C2orf72: variants seen among roughly 807,000 people sequenced by gnomAD.
C2orf72 encodes the protein chromosome 2 open reading frame 72.
A neutral mutation model predicts 14.4 loss-of-function variants in C2orf72; 16 were observed. The ratio of observed to expected loss-of-function variants is 1.11; its 90% CI spans 0.75 to 1.69. The LOEUF (loss-of-function observed/expected upper bound fraction) is 1.69. Among genes scored for constraint, C2orf72 ranks in the 40% most tolerant of loss-of-function variants. C2orf72 has a pLI of 0.00. For missense variants in C2orf72, 371 were observed against 358.3 expected, an observed-to-expected ratio of 1.04 and a Z score of -0.29; for synonymous variants, 168 against 176.8, an observed-to-expected ratio of 0.95 and a Z score of 0.40.
chr2:231,039,181 G>C (rs768240653), intron 1 of C2orf72, among the ~76,000 whole-genome samples: 7 of 152,050 alleles, frequency 4.6e-5, no homozygotes, highest in East Asian at 1.9e-4. Flanking sequence ...TGTGGCGTAG[G>C]GGGAGGGAGG....
rs985747494 is a variant in C2orf72 at position 231,044,962 on chromosome 2, T to TATATATATAC, written c.749-1919_749-1918insTATATATACA. Among the ~76,000 whole-genome samples, 581 of 146,418 alleles carry TATATATATAC rather than the reference T, an allele frequency of 4.0e-3. 7 individuals are homozygous for TATATATATAC. The highest frequency in any genetic ancestry group is 0.014 in the African/African-American group (563 of 39,360). Reference sequence around the variant, plus strand: ...ATATATCTTTATATATATATATATATACACACACACACACATATAAGTAGA... The same window carrying TATATATATAC: ...ATATATCTTTATATATATATATATATATATATATACACACACACACACACATATAAGTAGA... On this transcript the variant is annotated intron_variant, in intron 2 of 2. Coordinates refer to ENST00000373640, the MANE Select transcript of C2orf72 (RefSeq NM_001144994.2).
chr2:231,038,677 G>A (rs1184426754), intron 1 of C2orf72, among the ~76,000 whole-genome samples: 1 of 152,140 alleles, frequency 6.6e-6, no homozygotes, highest in Non-Finnish European at 1.5e-5. Flanking sequence ...TCTAGGAGGG[G>A]CGGAGGGGCA....
chr2:231,038,015 C>T lies in C2orf72; in HGVS notation c.450C>T (p.Ala150=), dbSNP rs908659751. The change falls in exon 1 of 3, where the codon GCC becomes GCT. Residue 150 remains alanine, a synonymous_variant. Coordinates refer to ENST00000373640, the MANE Select transcript of C2orf72 (RefSeq NM_001144994.2). ...AALVGVLVAE[A]GPEDAVAPGL... is the part of the protein sequence containing the mutation. ...TGGTCGGGGTGCTGGTGGCCGAGGC[C>T]GGGCCAGAGGACGCGGTGGCGCCGG... The T allele has an allele frequency of 1.5e-5, 16 of 1,063,298 alleles. No homozygotes were observed. The South Asian group carries it at 4.4e-4, about 29-fold the overall frequency. The allele number at this position is 1,063,298 out of a possible 1,614,324, so 65.9% of individuals were successfully genotyped here.
In C2orf72 at chr2:231,047,033, T is replaced by C. The variant is rs777889989; in HGVS notation, c.*12T>C. On this transcript the variant is annotated 3_prime_UTR_variant, in exon 3 of 3. Coordinates refer to ENST00000373640, the MANE Select transcript of C2orf72 (RefSeq NM_001144994.2). ...GAGACTCAAGATGAAGGCTGGACCC[T>C]TGCGCTGTCCCTGGCTCTAACCTAC... The C allele has an allele frequency of 2.8e-5, 43 of 1,551,450 alleles. 2 individuals are homozygous for C. The South Asian group carries it at 4.9e-4, about 18-fold the overall frequency.
chr2:231,045,748 G>C (rs1176824898), intron 2 of C2orf72, among the ~76,000 whole-genome samples: 2 of 152,094 alleles, frequency 1.3e-5, no homozygotes, highest in African/African-American at 4.8e-5. Flanking sequence ...TCGATCTCCT[G>C]ACCTCGTGAT....
At chr2:231,041,073 G>C in intron 1 of C2orf72, 2 of 438,912 alleles carry the variant, frequency 4.6e-6, no homozygotes, top group Non-Finnish European at 8.1e-6. Flanking sequence ...CAGGGCTTTT[G>C]TAAGAATTAA....
intron 1 of C2orf72, among the ~76,000 whole-genome samples, chr2:231,040,507 G>A (rs1693327514): frequency 6.6e-6 from 1 of 152,234 alleles, no homozygotes; most frequent in Non-Finnish European, 1.5e-5. Flanking sequence ...GGTCGTGAGT[G>A]GAATTATAAC....
rs1693275447 is a variant in C2orf72, at chr2:231,037,828, C to T, written c.263C>T (p.Ala88Val). The T allele has an allele frequency of 1.0e-6, 1 of 978,730 alleles. No individual in the cohort carries two copies. The highest frequency in any genetic ancestry group is 1.2e-6 in the Non-Finnish European group (1 of 827,442). The allele number at this position is 978,730 out of a possible 1,614,324, so 60.6% of individuals were successfully genotyped here. ...CGCGGGGCGCAGAGGGCGGCGAGGG[C>T]GGCTGGGGCGGCGGGGGCGGCGGCG... ...AARGAQRAAR[A>V]AGAAGAAAAA... is the part of the protein sequence containing the mutation. The change falls in exon 1 of 3, where the codon GCG becomes GTG. Residue 88 changes from alanine (A) to valine (V), a missense_variant. Ala to Val is a moderately conservative substitution (Grantham distance 64). Around this residue, in one of 3 missense-constraint regions of C2orf72, gnomAD observed 214 missense variants for 178.7 expected, o/e 1.20. Coordinates refer to ENST00000373640, the MANE Select transcript of C2orf72 (RefSeq NM_001144994.2).
intron 2 of C2orf72, among the ~76,000 whole-genome samples, chr2:231,042,322 G>T (rs1255505344): frequency 6.6e-6 from 1 of 152,080 alleles, no homozygotes; most frequent in Non-Finnish European, 1.5e-5. Flanking sequence ...TAAAACCATG[G>T]GTAGCACCAA....
intron 1 of C2orf72, 130 bp from the exon 2 acceptor site, chr2:231,041,166 G>T: frequency 3.2e-6 from 2 of 627,304 alleles, no homozygotes; most frequent in Middle Eastern, 5.9e-4. Context: ...ATCAGACTCT[G>T]TGTTTTTAAT....
At position 231,047,342 on chromosome 2, in the gene C2orf72, T is replaced by C. The variant is rs1693432537; in HGVS notation, c.*321T>C. ...GGCTCTGCAGAGCTGTGGCACCCCA[T>C]GGTGTGTCTGCAGTGTTCTGGGCAC... On this transcript the variant is annotated 3_prime_UTR_variant, in exon 3 of 3. Transcript: ENST00000373640. The C allele has an allele frequency of 2.4e-6, 1 of 416,730 alleles. No individual in the cohort carries two copies. The highest frequency in any genetic ancestry group is 4.6e-6 in the Non-Finnish European group (1 of 216,688). The allele number at this position is 416,730 out of a possible 1,614,324, so 25.8% of individuals were successfully genotyped here. A position where few individuals can be genotyped will look rare whatever the true frequency, so the allele number is the denominator to read the frequency against.
chr2:231,049,096 T>C lies in C2orf72; in HGVS notation c.*2075T>C, dbSNP rs944791175. 2.0e-5 allele frequency: 3 copies of C among 152,148 alleles called. No homozygotes were observed. Among genetic ancestry groups the C allele is most frequent in the African/African-American group, 7.2e-5 (3 of 41,408 alleles). The allele number at this position is 152,148 out of a possible 1,614,324, so 9.4% of individuals were successfully genotyped here. A position where few individuals can be genotyped will look rare whatever the true frequency, so the allele number is the denominator to read the frequency against. The stretch of plus-strand genomic sequence containing the variant: ...ATGGGGCATGCTGTCATCTCAAGTC[T>C]GCTGCGGCTCACCCCCACCACCTTT... On this transcript the variant is annotated 3_prime_UTR_variant, in exon 3 of 3. Transcript: ENST00000373640.
rs1693444149 is a variant in C2orf72 at position 231,048,220 on chromosome 2, A to T, written c.*1199A>T. ...CTTGTCTTCTTTGCCTGCCTTGGAG[A>T]AATCCAGAGTCTTCGGAATGGCAAA... On this transcript the variant is annotated 3_prime_UTR_variant, in exon 3 of 3. Transcript: ENST00000373640. 1 of 152,194 alleles carries T rather than the reference A, an allele frequency of 6.6e-6. No homozygotes were observed. Among genetic ancestry groups the T allele is most frequent in the Non-Finnish European group, 1.5e-5 (1 of 68,038 alleles). 9.4% of individuals were successfully genotyped at this position (152,194 alleles called of 1,614,324 possible). A position where few individuals can be genotyped will look rare whatever the true frequency, so the allele number is the denominator to read the frequency against.
In C2orf72 at chr2:231,047,138, C is replaced by T. The variant is rs1465712234; in HGVS notation, c.*117C>T. On this transcript the variant is annotated 3_prime_UTR_variant, in exon 3 of 3. Coordinates refer to ENST00000373640, the MANE Select transcript of C2orf72 (RefSeq NM_001144994.2). ...AAACCCCCGCCTGCTGGAGGCCTGC[C>T]ACACTCACAGTTACCAGCTAGACAG... 2 of 1,255,204 alleles carry T rather than the reference C, an allele frequency of 1.6e-6. No homozygotes were observed. Among genetic ancestry groups the T allele is most frequent in the Non-Finnish European group, 2.3e-6 (2 of 882,328 alleles). 77.8% of individuals were successfully genotyped at this position (1,255,204 alleles called of 1,614,324 possible).
intron 1 of C2orf72, among the ~76,000 whole-genome samples, chr2:231,038,742 G>A (rs760526349): frequency 1.2e-4 from 19 of 152,114 alleles, no homozygotes; most frequent in Admixed American, 4.6e-4. Flanking sequence ...TAGGAAGAGG[G>A]CAAGGAATGG....
rs1383984814 is a variant in C2orf72 at position 231,041,347 on chromosome 2, C to T, written c.686C>T (p.Ser229Phe). 1.9e-6 allele frequency: 3 copies of T among 1,551,552 alleles called. No homozygotes were observed. The highest frequency in any genetic ancestry group is 2.6e-6 in the Non-Finnish European group (3 of 1,146,940). The part of the protein sequence containing the change: ...PGLPGLLACF[S>F]WGPWSRRKNQ... ...CTCCCCGGACTGCTAGCCTGCTTTT[C>T]CTGGGGTCCCTGGAGCCGGAGGAAG... The change falls in exon 2 of 3, where the codon TCC becomes TTC. Residue 229 changes from serine to phenylalanine, a missense_variant. Around this residue, in one of 3 missense-constraint regions of C2orf72, gnomAD observed 145 missense variants for 149.4 expected, o/e 0.97. Coordinates refer to ENST00000373640, the MANE Select transcript of C2orf72 (RefSeq NM_001144994.2).
chr2:231,038,354 G>A (rs1056834367), intron 1 of C2orf72, among the ~76,000 whole-genome samples, 155 bp downstream of exon 1: 1 of 152,190 alleles, frequency 6.6e-6, no homozygotes, highest in African/African-American at 2.4e-5. Flanking sequence ...AGCTAGCGGA[G>A]AGCGGGCCGT....
In C2orf72 at chr2:231,047,476, T is replaced by C; in HGVS notation, c.*455T>C. Reference sequence around the variant, plus strand: ...TGTCACTCAGTCTCTGGGGCTTCTGTTTCACAAATGCATGAGGGGGCCACC... The same window carrying C: ...TGTCACTCAGTCTCTGGGGCTTCTGCTTCACAAATGCATGAGGGGGCCACC... On this transcript the variant is annotated 3_prime_UTR_variant, in exon 3 of 3. Transcript: ENST00000373640. 1 of 280,968 alleles carries C rather than the reference T, an allele frequency of 3.6e-6. No homozygotes were observed. The highest frequency in any genetic ancestry group is 3.5e-5 in the South Asian group (1 of 28,814). The allele number at this position is 280,968 out of a possible 1,614,324, so 17.4% of individuals were successfully genotyped here.
chr2:231,037,979 C>T lies in C2orf72; in HGVS notation c.414C>T (p.Ala138=), dbSNP rs1035938374. 4 of 1,026,552 alleles carry T rather than the reference C, an allele frequency of 3.9e-6. No homozygotes were observed. The highest frequency in any genetic ancestry group is 1.7e-5 in the African/African-American group (1 of 57,308). The allele number at this position is 1,026,552 out of a possible 1,614,324, so 63.6% of individuals were successfully genotyped here. The change falls in exon 1 of 3, where the codon GCC becomes GCT. Residue 138 remains alanine, a synonymous_variant. Transcript: ENST00000373640. ...MLRDVRGRRR[A]GAALVGVLVA... Reference sequence around the variant, plus strand: ...GGGACGTGCGCGGCCGGCGGCGGGCCGGGGCGGCGCTGGTCGGGGTGCTGG... The same window carrying T: ...GGGACGTGCGCGGCCGGCGGCGGGCTGGGGCGGCGCTGGTCGGGGTGCTGG...
Sources: allele counts gnomAD v4.1 joint callset (sites outside exome capture counted in the v4.1 genomes callset), GRCh38; gene constraint gnomAD v4.1.1; regional missense constraint gnomAD v4.1.1; transcripts MANE v1.5; gene names NCBI Gene and HGNC (gene_info 2026-07-23, HGNC 2026-07-21).